Variants in TMEM132B observed in about 807,000 individuals in gnomAD.
TMEM132B encodes the protein transmembrane protein 132B.
A neutral mutation model predicts 90.8 loss-of-function variants in TMEM132B; 18 were observed. The observed-to-expected ratio is 0.20, with a 90% CI of 0.14 to 0.29. The LOEUF (loss-of-function observed/expected upper bound fraction) is 0.29. TMEM132B is among the 10% of genes least tolerant of loss of function. The pLI, the probability that TMEM132B is intolerant of heterozygous loss-of-function variation, is 1.00. For missense variants in TMEM132B, 1,096 were observed against 1,326.8 expected, an observed-to-expected ratio of 0.83 and a Z score of 2.70; for synonymous variants, 504 against 523.3, an observed-to-expected ratio of 0.96 and a Z score of 0.50.
chr12:125,305,214 G>A (rs957935476), intron 1 of TMEM132B, among the ~76,000 whole-genome samples: 1 of 151,774 alleles, frequency 6.6e-6, no homozygotes, highest in Non-Finnish European at 1.5e-5. Flanking sequence ...GTGGGCGACA[G>A]TTTAGATTCA....
At position 125,460,897 on chromosome 12, in the gene TMEM132B, A is replaced by T. The variant is rs972948275; in HGVS notation, c.1106+45220A>T. 1.3e-5 allele frequency among the ~76,000 whole-genome samples: 2 copies of T among 152,222 alleles called. No individual in the cohort carries two copies. Among genetic ancestry groups the T allele is most frequent in the African/African-American group, 4.8e-5 (2 of 41,460 alleles). ...GTTTGTTGTCATCATGAAAGTTTTAAAAAAGATCTTTACAATTTTGCTCCT... is the reference window on the plus strand; with the variant it reads ...GTTTGTTGTCATCATGAAAGTTTTATAAAAGATCTTTACAATTTTGCTCCT... On this transcript the variant is annotated intron_variant, in intron 3 of 8. Coordinates refer to ENST00000682704, the MANE Select transcript of TMEM132B (RefSeq NM_001366854.1). The surrounding 1 kb of genome is among the most constrained non-coding windows in gnomAD (Gnocchi z 4.4).
chr12:125,212,128 A>T (rs889898398), intron 1 of TMEM132B, among the ~76,000 whole-genome samples: 1 of 151,984 alleles, frequency 6.6e-6, no homozygotes, highest in Non-Finnish European at 1.5e-5. Context: ...GGGTCCTGAC[A>T]TTTGGTGGGC....
At chr12:125,625,993 G>A (rs1351335707) in intron 5 of TMEM132B, among the ~76,000 whole-genome samples, 1 of 151,992 alleles carries the variant, frequency 6.6e-6, no homozygotes. Context: ...AGTAAAATAT[G>A]GTTGTGCTAT....
intron 5 of TMEM132B, chr12:125,584,428 G>C (rs1885132225): frequency 1.1e-5 from 2 of 176,844 alleles, no homozygotes; most frequent in Admixed American, 1.1e-4. Context: ...TAGCCAGTTA[G>C]CTCAGTGGGT....
chr12:125,429,903 G>A (rs1056311697), intron 3 of TMEM132B, among the ~76,000 whole-genome samples: 1 of 152,162 alleles, frequency 6.6e-6, no homozygotes, highest in Non-Finnish European at 1.5e-5. Context: ...TTGCAAGGAG[G>A]GCACAGTGCG....
chr12:125,587,984 C>T (rs1468386031), intron 5 of TMEM132B: 2 of 152,156 alleles, frequency 1.3e-5, no homozygotes, highest in African/African-American at 2.4e-5. Context: ...GAGAGGGAGA[C>T]ATGACAGCTT....
intron 5 of TMEM132B, among the ~76,000 whole-genome samples, chr12:125,598,514 G>A (rs1056372567): frequency 6.6e-6 from 1 of 152,164 alleles, no homozygotes; most frequent in South Asian, 2.1e-4. Flanking sequence ...TTACAGAGTT[G>A]TCTCAGTAAG....
intron 4 of TMEM132B, among the ~76,000 whole-genome samples, chr12:125,557,513 C>G (rs997728533): frequency 2.6e-5 from 4 of 152,140 alleles, no homozygotes; most frequent in Admixed American, 2.6e-4. Context: ...TCTTATTTAT[C>G]TATCTATTAT....
At chr12:125,514,204 C>T (rs1322377316) in intron 3 of TMEM132B, among the ~76,000 whole-genome samples, 1 of 152,142 alleles carries the variant, frequency 6.6e-6, no homozygotes, top group East Asian at 1.9e-4. Context: ...CCACACGCCC[C>T]CCACCCCCAA....
intron 2 of TMEM132B, among the ~76,000 whole-genome samples, chr12:125,362,435 T>C (rs1877988273): frequency 6.6e-6 from 1 of 152,242 alleles, no homozygotes; most frequent in Non-Finnish European, 1.5e-5. Flanking sequence ...ATACATGCCC[T>C]GGATAAGGTA....
chr12:125,322,068 T>C (rs1452085719), intron 1 of TMEM132B, among the ~76,000 whole-genome samples: 7 of 152,210 alleles, frequency 4.6e-5, no homozygotes, highest in Non-Finnish European at 1.0e-4. Context: ...TACTGTGTGT[T>C]GATATGGTTT....
chr12:125,373,952 G>A (rs1878390082), intron 2 of TMEM132B, among the ~76,000 whole-genome samples: 1 of 152,118 alleles, frequency 6.6e-6, no homozygotes, highest in South Asian at 2.1e-4. Context: ...GCACCACCAA[G>A]CCTGGCTAAT....
intron 5 of TMEM132B, among the ~76,000 whole-genome samples, chr12:125,621,401 G>A (rs944830564): frequency 6.6e-6 from 1 of 152,060 alleles, no homozygotes; most frequent in African/African-American, 2.4e-5. Flanking sequence ...AGAGGGAAGG[G>A]GGAGTTTGAG....
chr12:125,452,397 T>C (rs1257117263), intron 3 of TMEM132B, among the ~76,000 whole-genome samples: 1 of 152,194 alleles, frequency 6.6e-6, no homozygotes, highest in Non-Finnish European at 1.5e-5. Context: ...TTGACAGACA[T>C]TTAGTTTTTT....
intron 1 of TMEM132B, among the ~76,000 whole-genome samples, chr12:125,317,216 GGTT>G (rs1477614938): frequency 6.6e-6 from 1 of 152,058 alleles, no homozygotes; most frequent in Non-Finnish European, 1.5e-5. Flanking sequence ...GTAGTACCTG[GGTT>G]GTTGAGAGGA....
chr12:125,427,789 C>A (rs1464056063), intron 3 of TMEM132B, among the ~76,000 whole-genome samples: 1 of 152,200 alleles, frequency 6.6e-6, no homozygotes, highest in African/African-American at 2.4e-5. Context: ...ACCTTTCTTA[C>A]CAAGTGCAGA....
Position 125,632,975 on chromosome 12 carries a change from A to G in TMEM132B, c.1438-11101A>G, listed in dbSNP as rs1176911899. 2.6e-5 allele frequency among the ~76,000 whole-genome samples: 4 copies of G among 151,982 alleles called. No homozygotes were observed. The East Asian group carries it at 7.7e-4, about 29-fold the overall frequency. On this transcript the variant is annotated intron_variant, in intron 5 of 8. Transcript: ENST00000682704. ...TTCTCTGTTATTATCCCTCTAAATA[A>G]AGTTTCTACCTGTCTCTTACTCTAC...
Position 125,654,077 on chromosome 12 carries a change from C to T in TMEM132B, c.2619C>T (p.Ala873=), listed in dbSNP as rs1289972443. ...TACTCAAAAGTGGTGGTCCAGATGCCTTTACAAGCTTCCCCACTCAAGGGA... is the reference window on the plus strand; with the variant it reads ...TACTCAAAAGTGGTGGTCCAGATGCTTTTACAAGCTTCCCCACTCAAGGGA... ...NKLLKSGGPD[A]FTSFPTQGKS... is the part of the protein sequence containing the mutation. Residue 873 remains alanine, a synonymous_variant, in exon 9 of 9, where the codon GCC becomes GCT. Transcript: ENST00000682704. The surrounding 1 kb of genome is among the most constrained non-coding windows in gnomAD (Gnocchi z 5.8). 13 of 1,614,038 alleles carry T rather than the reference C, an allele frequency of 8.1e-6. No individual in the cohort carries two copies. The highest frequency in any genetic ancestry group is 1.3e-5 in the African/African-American group (1 of 74,916).
At chr12:125,596,307 A>G (rs1849074041) in intron 5 of TMEM132B, among the ~76,000 whole-genome samples, 1 of 152,222 alleles carries the variant, frequency 6.6e-6, no homozygotes, top group African/African-American at 2.4e-5. Flanking sequence ...GGGTAGACGA[A>G]GTGGATTACA....
Sources: gnomAD v4.1 joint callset for allele counts (sites outside exome capture counted in the v4.1 genomes callset) on GRCh38, gnomAD v4.1.1 for gene constraint, Gnocchi (gnomAD v3.1) non-coding constraint, MANE v1.5 for transcripts, NCBI Gene and HGNC (gene_info 2026-07-23, HGNC 2026-07-21) for gene names.